The following PDE4D variants were observed in gnomAD, a reference collection of about 807,000 sequenced individuals.
The protein encoded by PDE4D is 3',5'-cyclic-AMP phosphodiesterase 4D.
PDE4D carries 24 observed loss-of-function variants against 87.4 expected under a neutral mutation model. The ratio of observed to expected loss-of-function variants is 0.27; its 90% confidence interval spans 0.20 to 0.39. PDE4D has a LOEUF of 0.39. Among genes scored for constraint, PDE4D ranks in the 10% least tolerant of loss-of-function variants. The pLI is 1.00. For synonymous variants in PDE4D, 384 were observed against 383.2 expected, an observed-to-expected ratio of 1.00 and a Z score of -0.02; for missense variants, 714 against 1,041.0, an observed-to-expected ratio of 0.69 and a Z score of 4.32.
chr5:59,921,385 A>C (rs1395889820), intron 3 of PDE4D, among the ~76,000 whole-genome samples: 1 of 152,204 alleles, frequency 6.6e-6, no homozygotes, highest in East Asian at 1.9e-4. Flanking sequence ...CTAACATTTG[A>C]AATCAAAAGT....
At chr5:60,415,103 G>C (rs1035106132) in intron 1 of PDE4D, among the ~76,000 whole-genome samples, 2 of 152,224 alleles carry the variant, frequency 1.3e-5, no homozygotes, top group African/African-American at 4.8e-5. Flanking sequence ...CCACTGAAAG[G>C]GAGCAATCAA....
chr5:59,109,759 C>T (rs1002683993), intron 5 of PDE4D, among the ~76,000 whole-genome samples: 4 of 152,168 alleles, frequency 2.6e-5, no homozygotes, highest in African/African-American at 9.7e-5. Flanking sequence ...AAATTATTTA[C>T]CATCTTTCAG....
Position 59,200,761 on chromosome 5 carries a change from C to G in PDE4D, c.648-7225G>C, listed in dbSNP as rs79073248. Reference sequence around the variant, plus strand: ...TATATACATACACACATATGAAGTACATGCATACATATACATACTTTGGGA... The same window carrying G: ...TATATACATACACACATATGAAGTAGATGCATACATATACATACTTTGGGA... On this transcript the variant is annotated intron_variant, in intron 2 of 14. Coordinates refer to ENST00000340635, the MANE Select transcript of PDE4D (RefSeq NM_001104631.2). Among the ~76,000 whole-genome samples the G allele has an allele frequency of 3.8e-3, 560 of 149,272 alleles. 26 individuals are homozygous for G. The highest frequency in any genetic ancestry group is 0.013 in the African/African-American group (530 of 39,328).
intron 1 of PDE4D, among the ~76,000 whole-genome samples, chr5:59,545,971 A>C (rs1817202586): frequency 6.6e-6 from 1 of 152,140 alleles, no homozygotes; most frequent in Non-Finnish European, 1.5e-5. Context: ...CCCTGAGTCC[A>C]CCCCTTCGTA....
At chr5:60,264,357 C>A (rs971545314) in intron 1 of PDE4D, among the ~76,000 whole-genome samples, 1 of 152,170 alleles carries the variant, frequency 6.6e-6, no homozygotes, top group African/African-American at 2.4e-5. Context: ...ATTAATTTGA[C>A]TGCAATACAA....
intron 1 of PDE4D, among the ~76,000 whole-genome samples, chr5:59,426,998 TACACACACACACACAC>T (rs3061709): frequency 0.016 from 1,950 of 125,196 alleles, 43 homozygotes; most frequent in African/African-American, 0.051. Flanking sequence ...CTTGAAGCTA[TACACACACACACACAC>T]ACACACACAC....
chr5:59,076,504 C>T (rs888605532), intron 5 of PDE4D, among the ~76,000 whole-genome samples: 55 of 152,184 alleles, frequency 3.6e-4, no homozygotes, highest in African/African-American at 1.0e-3. Flanking sequence ...ATGTGAGGAA[C>T]GCCCAGTGAC....
intron 1 of PDE4D, among the ~76,000 whole-genome samples, chr5:59,710,352 T>C (rs1314169320): frequency 6.6e-6 from 1 of 152,154 alleles, no homozygotes; most frequent in Non-Finnish European, 1.5e-5. Flanking sequence ...CAACAAAAGC[T>C]TCTGAAGCCT....
At chr5:60,004,441 T>C (rs1418385420) in intron 2 of PDE4D, among the ~76,000 whole-genome samples, 2 of 152,186 alleles carry the variant, frequency 1.3e-5, no homozygotes, top group Admixed American at 6.6e-5. Flanking sequence ...ACTAATACTA[T>C]GTAAACACTA....
chr5:59,501,773 C>T (rs1401730040), intron 1 of PDE4D, among the ~76,000 whole-genome samples: 1 of 152,130 alleles, frequency 6.6e-6, no homozygotes, highest in African/African-American at 2.4e-5. Flanking sequence ...TGGGGAAAGA[C>T]TGGCACAGCA....
At chr5:59,136,786 C>A (rs1164284993) in intron 5 of PDE4D, among the ~76,000 whole-genome samples, 1 of 152,178 alleles carries the variant, frequency 6.6e-6, no homozygotes, top group Admixed American at 6.5e-5. Context: ...GTAAGTAGAG[C>A]TCTCTCTGAG....
intron 1 of PDE4D, among the ~76,000 whole-genome samples, chr5:59,476,164 T>C (rs1803264777): frequency 6.6e-6 from 1 of 151,856 alleles, no homozygotes; most frequent in Non-Finnish European, 1.5e-5. Context: ...CTGGATACAG[T>C]GAAATTGCTT....
intron 1 of PDE4D, among the ~76,000 whole-genome samples, chr5:59,873,117 A>G (rs1748069895): frequency 6.6e-6 from 1 of 152,220 alleles, no homozygotes; most frequent in South Asian, 2.1e-4. Flanking sequence ...GTGTTTGGAG[A>G]AAAGAAATAT....
chr5:60,422,487 C>G (rs188085658), intron 1 of PDE4D, among the ~76,000 whole-genome samples: 13 of 152,256 alleles, frequency 8.5e-5, no homozygotes, highest in African/African-American at 2.9e-4. Flanking sequence ...TACAGACAAG[C>G]AAATGCTGAG....
chr5:59,141,777 C>T (rs537286202), intron 5 of PDE4D, among the ~76,000 whole-genome samples: 6 of 152,174 alleles, frequency 3.9e-5, no homozygotes, highest in Admixed American at 1.3e-4. Flanking sequence ...AGGTCAGACC[C>T]GTAACCCATT....
At chr5:59,932,543 C>A (rs1669473228) in intron 3 of PDE4D, among the ~76,000 whole-genome samples, 1 of 152,148 alleles carries the variant, frequency 6.6e-6, no homozygotes, top group African/African-American at 2.4e-5. Flanking sequence ...AAGTAACCTG[C>A]CTAAGGTCCA....
At chr5:59,394,702 T>C (rs1788976369) in intron 1 of PDE4D, among the ~76,000 whole-genome samples, 1 of 152,154 alleles carries the variant, frequency 6.6e-6, no homozygotes, top group African/African-American at 2.4e-5. Flanking sequence ...ATCTATCAAC[T>C]TTATGAATCT....
At chr5:59,674,283 C>A (rs951706281) in intron 1 of PDE4D, among the ~76,000 whole-genome samples, 1 of 152,092 alleles carries the variant, frequency 6.6e-6, no homozygotes, top group Non-Finnish European at 1.5e-5. Context: ...TCTGTCCCAG[C>A]AGGGTTTTTC....
intron 1 of PDE4D, among the ~76,000 whole-genome samples, chr5:59,625,208 AG>A (rs1487200420): frequency 6.6e-6 from 1 of 152,166 alleles, no homozygotes; most frequent in African/African-American, 2.4e-5. Context: ...GAAGTGTGAG[AG>A]GGGAGGTCTT....
Sources: gnomAD v4.1 joint callset for allele counts (sites outside exome capture counted in the v4.1 genomes callset) on GRCh38, gnomAD v4.1.1 for gene constraint, MANE v1.5 for transcripts, NCBI Gene and HGNC (gene_info 2026-07-23, HGNC 2026-07-21) for gene names.